Variants in NRG3 observed in about 807,000 individuals in gnomAD.
NRG3 encodes the protein neuregulin 3.
A neutral mutation model predicts 66.9 loss-of-function variants in NRG3; 31 were observed. That is an observed-to-expected ratio of 0.46 (90% CI 0.35 to 0.63). The LOEUF (loss-of-function observed/expected upper bound fraction) is 0.63. Ranked by LOEUF, NRG3 falls within the 20% of genes least tolerant of loss-of-function variation. The pLI is 0.00. For missense variants in NRG3, 910 were observed against 878.9 expected (o/e 1.04, Z -0.45); for synonymous variants, 393 against 359.4 (o/e 1.09, Z -1.06).
chr10:81,922,003 C>T (rs890869441), intron 1 of NRG3, among the ~76,000 whole-genome samples: 1 of 152,028 alleles, frequency 6.6e-6, no homozygotes, highest in South Asian at 2.1e-4. Flanking sequence ...AGTATATTCC[C>T]AAGTGTTTGC....
At chr10:82,377,466 G>GCGCGCA (rs1554900460) in intron 2 of NRG3, among the ~76,000 whole-genome samples, 1 of 151,876 alleles carries the variant, frequency 6.6e-6, no homozygotes, top group East Asian at 1.9e-4. Context: ...GTGCGCGAGC[G>GCGCGCA]CACATGCGTG....
chr10:81,875,862 C>G lies in NRG3; in HGVS notation c.522C>G (p.Pro174=), dbSNP rs1347876902. 14 of 1,610,244 alleles carry G rather than the reference C, an allele frequency of 8.7e-6. No individual in the cohort carries two copies. The highest frequency in any genetic ancestry group is 1.2e-5 in the Non-Finnish European group (14 of 1,179,732). ...CTCGCTTCCCCGGGCACCGGGTGCC[C>G]ATCCGGGCCAGCCCGCGCTCCACCA... ...APTRFPGHRV[P]IRASPRSTTA... is the part of the protein sequence containing the mutation. The change falls in exon 1 of 9, where the codon CCC becomes CCG. Residue 174 remains proline, a synonymous_variant. Coordinates refer to ENST00000372141, the MANE Select transcript of NRG3 (RefSeq NM_001010848.4). This position sits in a 1 kb window ranked among gnomAD's most constrained non-coding sequence, Gnocchi z 5.3.
intron 4 of NRG3, among the ~76,000 whole-genome samples, chr10:82,915,898 C>T (rs1003744361): frequency 1.3e-5 from 2 of 152,008 alleles, no homozygotes; most frequent in African/African-American, 2.4e-5. Flanking sequence ...ATTCAACAAA[C>T]GTTTATTTTT....
At chr10:82,072,440 G>A (rs909129667) in intron 1 of NRG3, among the ~76,000 whole-genome samples, 3 of 152,120 alleles carry the variant, frequency 2.0e-5, no homozygotes, top group African/African-American at 7.2e-5. Context: ...AATAATGAGT[G>A]ATTGATAGGA....
chr10:82,456,891 C>T (rs752175572), intron 2 of NRG3, among the ~76,000 whole-genome samples: 7 of 152,122 alleles, frequency 4.6e-5, no homozygotes, highest in Admixed American at 6.5e-5. Flanking sequence ...TTTTGGTCCA[C>T]GCCAGCATCC....
chr10:82,211,613 G>A (rs2075397078), intron 1 of NRG3, among the ~76,000 whole-genome samples: 1 of 152,110 alleles, frequency 6.6e-6, no homozygotes, highest in Non-Finnish European at 1.5e-5. Context: ...TCACTTTCTG[G>A]CAAAGATGAG....
In NRG3 at chr10:82,546,855, C is replaced by G. The variant is rs78219978; in HGVS notation, c.953+187987C>G. ...GTACTACATGCAATATTTCATGGAT[C>G]TCTCATAGTAAGATTGAAGAATTAC... On this transcript the variant is annotated intron_variant, in intron 2 of 8. Transcript: ENST00000372141. Among the ~76,000 whole-genome samples, 651 of 152,194 alleles carry G rather than the reference C, an allele frequency of 4.3e-3. 10 individuals carry two copies. The highest frequency in any genetic ancestry group is 0.015 in the African/African-American group (620 of 41,534).
At chr10:82,295,489 A>G (rs1376048300) in intron 1 of NRG3, among the ~76,000 whole-genome samples, 1 of 152,136 alleles carries the variant, frequency 6.6e-6, no homozygotes, top group East Asian at 1.9e-4. Flanking sequence ...TCTTGAGTAA[A>G]GTGAAGAATC....
chr10:82,793,798 C>T (rs549151146), intron 3 of NRG3, among the ~76,000 whole-genome samples: 1 of 152,218 alleles, frequency 6.6e-6, no homozygotes, highest in African/African-American at 2.4e-5. Flanking sequence ...GCTTCTTCCA[C>T]AAGGCATCAT....
At chr10:82,005,744 A>ACTC (rs1341088228) in intron 1 of NRG3, among the ~76,000 whole-genome samples, 1 of 152,186 alleles carries the variant, frequency 6.6e-6, no homozygotes, top group Non-Finnish European at 1.5e-5. Flanking sequence ...AGTGACACTT[A>ACTC]GAGTTTGCAA....
chr10:81,981,475 G>A (rs918263591), intron 1 of NRG3, among the ~76,000 whole-genome samples: 2 of 152,210 alleles, frequency 1.3e-5, no homozygotes, highest in Non-Finnish European at 2.9e-5. Context: ...GCTCTGCTTT[G>A]TGGGTCCACC....
chr10:82,254,654 TAC>T (rs147171906), intron 1 of NRG3, among the ~76,000 whole-genome samples: 59 of 148,896 alleles, frequency 4.0e-4, no homozygotes, highest in South Asian at 8.5e-4. Flanking sequence ...ACAAAACAAA[TAC>T]ACACACACAC....
chr10:82,895,783 G>C (rs542840230), intron 4 of NRG3, among the ~76,000 whole-genome samples: 1 of 152,054 alleles, frequency 6.6e-6, no homozygotes, highest in African/African-American at 2.4e-5. Flanking sequence ...GAGCCACCGC[G>C]CCCTACCAAT....
In NRG3 at chr10:82,132,456, T is replaced by TG. The variant is rs1221668085; in HGVS notation, c.824-226283_824-226282insG. Among the ~76,000 whole-genome samples, 48 of 134,266 alleles carry TG rather than the reference T, an allele frequency of 3.6e-4. 1 individual carries two copies. The highest frequency in any genetic ancestry group is 3.8e-3 in the Middle Eastern group (1 of 266). The allele number at this position is 134,266 out of a possible 152,430, so 88.1% of individuals were successfully genotyped here. A position where few individuals can be genotyped will look rare whatever the true frequency, so the allele number is the denominator to read the frequency against. ...AGTTTGCTAATATCTTTTATATATA[T>TG]ATGATATATATGATATATATATGAT... is the stretch of plus-strand genomic sequence containing the variant. On this transcript the variant is annotated intron_variant, in intron 1 of 8. Transcript: ENST00000372141.
At chr10:82,834,809 C>T (rs1287511056) in intron 3 of NRG3, among the ~76,000 whole-genome samples, 1 of 152,102 alleles carries the variant, frequency 6.6e-6, no homozygotes, top group Non-Finnish European at 1.5e-5. Flanking sequence ...TGTGATTGGC[C>T]TGGTCATTTT....
intron 1 of NRG3, among the ~76,000 whole-genome samples, chr10:81,900,588 A>C (rs958674131): frequency 6.6e-6 from 1 of 152,328 alleles, no homozygotes; most frequent in East Asian, 1.9e-4. Flanking sequence ...AGTCACTGAA[A>C]ATTTCATTTA....
At chr10:82,373,646 A>T (rs955086352) in intron 2 of NRG3, among the ~76,000 whole-genome samples, 2 of 152,206 alleles carry the variant, frequency 1.3e-5, no homozygotes, top group African/African-American at 2.4e-5. Flanking sequence ...GAAAAACATG[A>T]GGTTGGAAAG....
intron 3 of NRG3, among the ~76,000 whole-genome samples, chr10:82,758,768 A>G (rs994198830): frequency 2.6e-5 from 4 of 152,054 alleles, no homozygotes; most frequent in South Asian, 4.1e-4. Flanking sequence ...CTATATCAGC[A>G]TGAAAAACCA....
chr10:81,883,400 T>C (rs1391886407), intron 1 of NRG3, among the ~76,000 whole-genome samples: 1 of 152,188 alleles, frequency 6.6e-6, no homozygotes, highest in Non-Finnish European at 1.5e-5. Context: ...ACATAAATCA[T>C]AGATTGCCAT....
Sources: allele counts gnomAD v4.1 joint callset (sites outside exome capture counted in the v4.1 genomes callset), GRCh38; gene constraint gnomAD v4.1.1; non-coding constraint Gnocchi (gnomAD v3.1); transcripts MANE v1.5; gene names NCBI Gene and HGNC (gene_info 2026-07-23, HGNC 2026-07-21).